Variants in SCAPER observed in about 807,000 individuals in gnomAD.
SCAPER encodes S phase cyclin A-associated protein in the endoplasmic reticulum.
A neutral mutation model predicts 182.2 loss-of-function variants in SCAPER; 98 were observed. The observed-to-expected ratio is 0.54, with a 90% CI of 0.46 to 0.64. The LOEUF (loss-of-function observed/expected upper bound fraction) is 0.64, where lower values mean the gene tolerates loss of function less well. SCAPER is among the 30% of genes least tolerant of loss of function. The probability of loss-of-function intolerance (pLI) is 0.00; values close to 1 mark genes in which losing one functional copy is unlikely to be tolerated. For synonymous variants in SCAPER, 605 were observed against 564.6 expected (o/e 1.07, Z -1.01); for missense variants, 1,432 against 1,690.0 (o/e 0.85, Z 2.68).
intron 2 of SCAPER, among the ~76,000 whole-genome samples, chr15:76,881,074 A>G (rs956940933): frequency 2.6e-5 from 4 of 152,180 alleles, no homozygotes; most frequent in African/African-American, 9.7e-5. Context: ...AAATAACTGA[A>G]AACAGTTCTT....
At chr15:76,575,177 T>G (rs2047726841) in intron 22 of SCAPER, among the ~76,000 whole-genome samples, 1 of 152,162 alleles carries the variant, frequency 6.6e-6, no homozygotes, top group Non-Finnish European at 1.5e-5. Flanking sequence ...ATGCATTAAT[T>G]TCTTTAGCTG....
chr15:76,837,427 T>C (rs2069055315), intron 5 of SCAPER, among the ~76,000 whole-genome samples: 1 of 152,166 alleles, frequency 6.6e-6, no homozygotes, highest in African/African-American at 2.4e-5. Flanking sequence ...GAAGTAAACA[T>C]GTCCTTCTTC....
chr15:76,771,800 T>C lies in SCAPER; in HGVS notation c.1190A>G (p.Lys397Arg), dbSNP rs375790304. ...GTPPLQVNEE[K>R]FPAEKARIEN... ...TATCCTTGCTTTCTCTGCTGGAAAT[T>C]TTTCTTCATTTACTTGTAAAGGAGG... Residue 397 changes from lysine (K) to arginine (R), a missense_variant, in exon 10 of 32, where the codon AAA becomes AGA. Physicochemically the swap from Lys to Arg is conservative, Grantham distance 26. Coordinates refer to ENST00000563290, the MANE Select transcript of SCAPER (RefSeq NM_020843.4). The C allele has an allele frequency of 2.7e-5, 44 of 1,613,096 alleles. No homozygotes were observed. Among genetic ancestry groups the C allele is most frequent in the Non-Finnish European group, 3.7e-5 (44 of 1,179,452 alleles).
chr15:76,455,670 TTTTTA>T (rs1360281201), intron 25 of SCAPER, among the ~76,000 whole-genome samples: 1 of 152,224 alleles, frequency 6.6e-6, no homozygotes, highest in Non-Finnish European at 1.5e-5. Context: ...TTATTTTTTA[TTTTTA>T]TTTTACTTTA....
intron 27 of SCAPER, among the ~76,000 whole-genome samples, chr15:76,388,387 T>C (rs2043428009): frequency 6.6e-6 from 1 of 151,736 alleles, no homozygotes; most frequent in African/African-American, 2.4e-5. Flanking sequence ...GCCTAGGAGT[T>C]CAAGGCTGCA....
At chr15:76,431,400 A>C (rs1033887220) in intron 26 of SCAPER, among the ~76,000 whole-genome samples, 1 of 152,116 alleles carries the variant, frequency 6.6e-6, no homozygotes, top group African/African-American at 2.4e-5. Flanking sequence ...TGAAACAAAT[A>C]AAATAATAAG....
At chr15:76,837,834 C>A (rs948281567) in intron 5 of SCAPER, among the ~76,000 whole-genome samples, 3 of 152,094 alleles carry the variant, frequency 2.0e-5, no homozygotes, top group African/African-American at 7.2e-5. Context: ...TAGAGAAATG[C>A]AAATCGAAAC....
intron 22 of SCAPER, among the ~76,000 whole-genome samples, chr15:76,604,877 G>A (rs1426230400): frequency 6.6e-6 from 1 of 151,790 alleles, no homozygotes; most frequent in East Asian, 1.9e-4. Flanking sequence ...CATTTATTTT[G>A]TATCCTGAGA....
At chr15:76,350,191 T>A (rs1252375358) in intron 31 of SCAPER, 1 of 152,192 alleles carries the variant, frequency 6.6e-6, no homozygotes, top group African/African-American at 2.4e-5. Context: ...CTCAGACAAA[T>A]GGTACCGACA....
chr15:76,707,234 T>C (rs1320348317), intron 17 of SCAPER, among the ~76,000 whole-genome samples: 2 of 151,970 alleles, frequency 1.3e-5, no homozygotes, highest in Admixed American at 1.3e-4. Context: ...AAAAAAGACT[T>C]GAGACATAGA....
chr15:76,539,993 AAC>A (rs1172802955), intron 23 of SCAPER, among the ~76,000 whole-genome samples: 2 of 152,220 alleles, frequency 1.3e-5, no homozygotes, highest in Non-Finnish European at 2.9e-5. Flanking sequence ...TCAATAGGGA[AAC>A]AGTTAAATAA....
chr15:76,888,308 C>G (rs1595914158), intron 1 of SCAPER, among the ~76,000 whole-genome samples: 2 of 152,194 alleles, frequency 1.3e-5, no homozygotes, highest in South Asian at 2.1e-4. Flanking sequence ...AGCAACAGAA[C>G]AAAGCTGGAT....
At chr15:76,484,323 AC>A (rs1043049711) in intron 24 of SCAPER, among the ~76,000 whole-genome samples, 20 of 152,152 alleles carry the variant, frequency 1.3e-4, no homozygotes, top group African/African-American at 4.8e-4. Flanking sequence ...TGAGTGGCTG[AC>A]CCCATAGAAA....
intron 3 of SCAPER, 34 bp from the exon 4 acceptor site, chr15:76,857,913 T>C (rs773361101): frequency 1.4e-5 from 19 of 1,366,764 alleles, no homozygotes; most frequent in South Asian, 1.0e-4. Context: ...TATGTAGATA[T>C]ACAGAATGAT....
At chr15:76,614,528 C>G (rs1189476147) in intron 22 of SCAPER, among the ~76,000 whole-genome samples, 4 of 152,040 alleles carry the variant, frequency 2.6e-5, no homozygotes, top group African/African-American at 9.7e-5. Context: ...AAAAACAAAC[C>G]TGAAAAATTC....
At chr15:76,872,947 G>A (rs7172639) in intron 2 of SCAPER, among the ~76,000 whole-genome samples, 128,532 of 151,840 alleles carry the variant, frequency 0.85, 54,630 homozygotes, top group Middle Eastern at 0.91. Flanking sequence ...ATAGACTCTA[G>A]TAAGTCATTA....
intron 22 of SCAPER, among the ~76,000 whole-genome samples, chr15:76,586,460 G>A (rs2048663400): frequency 6.6e-6 from 1 of 152,058 alleles, no homozygotes; most frequent in Non-Finnish European, 1.5e-5. Flanking sequence ...TTCTTTTACT[G>A]AGAAAAGATA....
intron 26 of SCAPER, among the ~76,000 whole-genome samples, chr15:76,422,851 G>C (rs1259844793): frequency 2.0e-5 from 3 of 149,442 alleles, no homozygotes; most frequent in African/African-American, 4.9e-5. Flanking sequence ...TTTTGTCAAA[G>C]GCCTTTTCTG....
Position 76,513,695 on chromosome 15 carries a change from A to G in SCAPER, c.2839-8721T>C, listed in dbSNP as rs181501807. On this transcript the variant is annotated intron_variant, in intron 23 of 31. Transcript: ENST00000563290. ...TTCTGGATGGCTTAATACCATAATA[A>G]TAAGACTGGATGCTCTTCAGATACA... is the stretch of plus-strand genomic sequence containing the variant. 1.5e-3 allele frequency among the ~76,000 whole-genome samples: 236 copies of G among 152,276 alleles called. 2 individuals are homozygous for G. Among genetic ancestry groups the G allele is most frequent in the Non-Finnish European group, 2.4e-3 (165 of 68,014 alleles).
Sources: gnomAD v4.1 joint callset for allele counts (sites outside exome capture counted in the v4.1 genomes callset) on GRCh38, gnomAD v4.1.1 for gene constraint, MANE v1.5 for transcripts, NCBI Gene and HGNC (gene_info 2026-07-23, HGNC 2026-07-21) for gene names.